Variants in ENOX2 observed in about 807,000 individuals in gnomAD.
ENOX2 encodes ecto-NOX disulfide-thiol exchanger 2, also known as APK1 antigen.
Under a neutral mutation model 45.0 loss-of-function variants are expected in ENOX2, and 36 were observed. That is an observed-to-expected ratio of 0.80 (90% CI 0.61 to 1.06). ENOX2 has a LOEUF of 1.06. Ranked by LOEUF, ENOX2 falls within the 50% of genes least tolerant of loss-of-function variation. The pLI is 0.00. For missense variants in ENOX2, 423 were observed against 462.5 expected (o/e 0.91, Z 0.78); for synonymous variants, 174 against 152.3 (o/e 1.14, Z -1.05).
At chrX:130,847,849 GCT>G (rs2078137155) in intron 2 of ENOX2, among the ~76,000 whole-genome samples, 1 of 111,303 alleles carries the variant, frequency 9.0e-6, no homozygotes, top group African/African-American at 3.3e-5. Flanking sequence ...ATTATTCTAG[GCT>G]AGGAGATCAG....
At chrX:130,701,701 C>T (rs968982744) in intron 4 of ENOX2, among the ~76,000 whole-genome samples, 3 of 111,777 alleles carry the variant, frequency 2.7e-5, no homozygotes, top group East Asian at 2.8e-4. Context: ...AGACTGAATC[C>T]AGAACCTGAC....
chrX:130,637,885 G>A (rs1351486822), intron 10 of ENOX2, among the ~76,000 whole-genome samples: 8 of 111,043 alleles, frequency 7.2e-5, no homozygotes, highest in Non-Finnish European at 1.5e-4. Flanking sequence ...GAAAATGTAA[G>A]GGGGAATAAT....
chrX:130,649,575 G>A (rs772074411), intron 10 of ENOX2, among the ~76,000 whole-genome samples: 14 of 112,047 alleles, frequency 1.2e-4, no homozygotes, highest in East Asian at 5.6e-4. Context: ...TGTTTTCTGC[G>A]GATGGCCATG....
In ENOX2 at chrX:130,775,346, C is replaced by T. The variant is rs759931483; in HGVS notation, c.-39+8201G>A. ...AGTGACCTGAGACAGCACCACTGCACTCCAGCCTGGGTGACAGAGGGAGAC... is the reference window on the plus strand; with the variant it reads ...AGTGACCTGAGACAGCACCACTGCATTCCAGCCTGGGTGACAGAGGGAGAC... On this transcript the variant is annotated intron_variant, in intron 3 of 14. Transcript: ENST00000394363. Among the ~76,000 whole-genome samples the T allele has an allele frequency of 2.7e-5, 3 of 109,532 alleles. No individual in the cohort carries two copies. The East Asian group carries it at 8.6e-4, about 31-fold the overall frequency.
chrX:130,795,488 C>A (rs1017864492), intron 2 of ENOX2, among the ~76,000 whole-genome samples: 1 of 112,374 alleles, frequency 8.9e-6, no homozygotes, highest in Non-Finnish European at 1.9e-5. Context: ...AATAAACAAA[C>A]CAATAAATTA....
chrX:130,884,379 C>A (rs932114837), intron 2 of ENOX2, among the ~76,000 whole-genome samples: 2 of 111,895 alleles, frequency 1.8e-5, no homozygotes, highest in African/African-American at 6.5e-5. Context: ...ATCTCTGGCC[C>A]ATTTTCTTAT....
intron 3 of ENOX2, among the ~76,000 whole-genome samples, chrX:130,755,516 T>G (rs2148342142): frequency 9.0e-6 from 1 of 111,196 alleles, no homozygotes; most frequent in African/African-American, 3.3e-5. Context: ...CCTCTAAAAT[T>G]TTTATGGTTC....
intron 3 of ENOX2, among the ~76,000 whole-genome samples, chrX:130,782,034 C>T (rs759205182): frequency 1.8e-5 from 2 of 111,086 alleles, no homozygotes; most frequent in Non-Finnish European, 1.9e-5. Flanking sequence ...TAACTAATGA[C>T]TGGAATTACG....
chrX:130,739,402 T>C (rs2038930297), intron 3 of ENOX2, among the ~76,000 whole-genome samples: 1 of 112,541 alleles, frequency 8.9e-6, no homozygotes, highest in East Asian at 2.8e-4. Flanking sequence ...GTGGGTTACA[T>C]GTATTAAATC....
Position 130,663,248 on chromosome X carries a change from C to T in ENOX2, c.1014+2395G>A, listed in dbSNP as rs74382820. Among the ~76,000 whole-genome samples the T allele has an allele frequency of 7.1e-5, 8 of 112,006 alleles. No homozygotes were observed. In the South Asian group the frequency reaches 1.5e-3, roughly 21 times the overall value. On this transcript the variant is annotated intron_variant, in intron 9 of 14. Coordinates refer to ENST00000394363, the MANE Select transcript of ENOX2 (RefSeq NM_006375.4). ...CACATAGTTTGCAAAAGTGTTGTGA[C>T]GGCCAGGCATGGTGGCTCACGCCTA...
intron 10 of ENOX2, among the ~76,000 whole-genome samples, chrX:130,651,966 C>T (rs1159287412): frequency 9.0e-6 from 1 of 111,333 alleles, no homozygotes; most frequent in Non-Finnish European, 1.9e-5. Flanking sequence ...TGCCTCCTTC[C>T]TTTTTATTGA....
At chrX:130,642,530 T>C (rs1162565888) in intron 10 of ENOX2, among the ~76,000 whole-genome samples, 3 of 112,563 alleles carry the variant, frequency 2.7e-5, no homozygotes, top group Non-Finnish European at 5.6e-5. Context: ...GACTTCGATT[T>C]TGAAAAAAGT....
At chrX:130,852,476 A>T (rs2078230080) in intron 2 of ENOX2, among the ~76,000 whole-genome samples, 1 of 112,104 alleles carries the variant, frequency 8.9e-6, no homozygotes, top group Non-Finnish European at 1.9e-5. Flanking sequence ...ATAAAATATC[A>T]CATAGTGATA....
At chrX:130,725,770 G>A (rs2038590832) in intron 3 of ENOX2, among the ~76,000 whole-genome samples, 1 of 111,513 alleles carries the variant, frequency 9.0e-6, no homozygotes, top group Non-Finnish European at 1.9e-5. Context: ...AACTGCCAAG[G>A]TGAGTAATTC....
rs750173196 is a variant in ENOX2 at position 130,693,686 on chromosome X, T to A, written c.98-4668A>T. On this transcript the variant is annotated intron_variant, in intron 4 of 14. Coordinates refer to ENST00000394363, the MANE Select transcript of ENOX2 (RefSeq NM_006375.4). ...ATTCTTCTTCCCCCAATATGGTGGA[T>A]TAAAGTTGGATATAAATTCTTTGAT... Among the ~76,000 whole-genome samples the A allele has an allele frequency of 2.7e-5, 3 of 112,411 alleles. No individual in the cohort carries two copies. In the South Asian group the frequency reaches 1.1e-3, roughly 42 times the overall value.
intron 2 of ENOX2, among the ~76,000 whole-genome samples, chrX:130,792,665 C>T (rs1219027165): frequency 9.0e-5 from 10 of 110,944 alleles, no homozygotes; most frequent in Admixed American, 9.5e-5. Context: ...TGGTGGCACG[C>T]GCCTGTAATC....
Position 130,894,394 on chromosome X carries a change from T to C in ENOX2, c.-183+7290A>G, listed in dbSNP as rs1375489495. Among the ~76,000 whole-genome samples, 5 of 107,431 alleles carry C rather than the reference T, an allele frequency of 4.7e-5. No homozygotes were observed. In the East Asian group the frequency reaches 1.5e-3, roughly 31 times the overall value. The allele number at this position is 107,431 out of a possible 115,157, so 93.3% of individuals were successfully genotyped here. A position where few individuals can be genotyped will look rare whatever the true frequency, so the allele number is the denominator to read the frequency against. Reference sequence around the variant, plus strand: ...AAAAAAAAAAGAAAATTTCCTGATGTCTATGATGGTATTGTAGCTATATAT... The same window carrying C: ...AAAAAAAAAAGAAAATTTCCTGATGCCTATGATGGTATTGTAGCTATATAT... On this transcript the variant is annotated intron_variant, in intron 2 of 14. Transcript: ENST00000394363.
At chrX:130,849,478 C>A (rs755435553) in intron 2 of ENOX2, among the ~76,000 whole-genome samples, 42 of 112,167 alleles carry the variant, frequency 3.7e-4, no homozygotes, top group Non-Finnish European at 7.5e-4. Context: ...ACAACCATCA[C>A]CATTAAGCAC....
intron 2 of ENOX2, among the ~76,000 whole-genome samples, chrX:130,790,949 A>G (rs1404648308): frequency 8.9e-6 from 1 of 111,827 alleles, no homozygotes; most frequent in Non-Finnish European, 1.9e-5. Context: ...AAACTTACAG[A>G]GTTGAAGTAA....
Sources: allele counts gnomAD v4.1 joint callset (sites outside exome capture counted in the v4.1 genomes callset), GRCh38; gene constraint gnomAD v4.1.1; transcripts MANE v1.5; gene names NCBI Gene and HGNC (gene_info 2026-07-23, HGNC 2026-07-21).